The following MBD5 variants were observed in gnomAD, a reference collection of about 807,000 sequenced individuals.
MBD5 encodes the protein methyl-CpG-binding domain protein 5.
Under a neutral mutation model 117.3 loss-of-function variants are expected in MBD5, and 13 were observed. That is an observed-to-expected ratio of 0.11 (90% CI 0.07 to 0.18). MBD5 has a LOEUF of 0.18. MBD5 is among the 10% of genes least tolerant of loss of function. MBD5 has a pLI of 1.00. For missense variants in MBD5, 1,879 were observed against 2,093.8 expected, an observed-to-expected ratio of 0.90 and a Z score of 2.00; for synonymous variants, 727 against 766.4, an observed-to-expected ratio of 0.95 and a Z score of 0.85.
intron 3 of MBD5, among the ~76,000 whole-genome samples, chr2:148,287,128 C>G (rs1204870566): frequency 1.3e-5 from 2 of 152,110 alleles, no homozygotes; most frequent in African/African-American, 4.8e-5. Flanking sequence ...TCCTTTCAAA[C>G]ACCCATTGAA....
At chr2:148,103,883 T>G (rs1268153306) in intron 1 of MBD5, among the ~76,000 whole-genome samples, 1 of 152,208 alleles carries the variant, frequency 6.6e-6, no homozygotes, top group Non-Finnish European at 1.5e-5. Flanking sequence ...TATTCAGTAG[T>G]AAATTTAAAT....
intron 3 of MBD5, among the ~76,000 whole-genome samples, chr2:148,306,513 T>C (rs1404809425): frequency 6.6e-6 from 1 of 152,182 alleles, no homozygotes; most frequent in Non-Finnish European, 1.5e-5. Context: ...AATAATAGTA[T>C]CCATATTTTG....
intron 4 of MBD5, among the ~76,000 whole-genome samples, chr2:148,393,776 T>C (rs763092873): frequency 2.6e-5 from 4 of 152,144 alleles, no homozygotes; most frequent in Non-Finnish European, 4.4e-5. Flanking sequence ...CACAGCCTCC[T>C]TTCAGATGAA....
chr2:148,021,829 G>A (rs1365101976), intron 1 of MBD5, 145 bp downstream of exon 1: 6 of 191,202 alleles, frequency 3.1e-5, no homozygotes, highest in Non-Finnish European at 1.1e-5. Context: ...GGTTGGAGTA[G>A]GGAGGGGTGT....
intron 3 of MBD5, among the ~76,000 whole-genome samples, chr2:148,290,554 T>C (rs1701477492): frequency 6.6e-6 from 1 of 152,172 alleles, no homozygotes; most frequent in Non-Finnish European, 1.5e-5. Context: ...TGTTGACTTA[T>C]CAATACTAAG....
chr2:148,050,725 G>A (rs1224613511), intron 1 of MBD5, among the ~76,000 whole-genome samples: 1 of 152,106 alleles, frequency 6.6e-6, no homozygotes, highest in East Asian at 1.9e-4. Flanking sequence ...AGACATGTGG[G>A]TGTATTTCAG....
intron 4 of MBD5, among the ~76,000 whole-genome samples, chr2:148,357,969 C>T (rs1321538949): frequency 6.6e-6 from 1 of 152,110 alleles, no homozygotes; most frequent in Non-Finnish European, 1.5e-5. Context: ...ATCTACAGAT[C>T]AATGGGTCTT....
rs184813945 is a variant in MBD5 at position 148,162,807 on chromosome 2, A to G, written c.-924-15893A>G. 2.6e-5 allele frequency among the ~76,000 whole-genome samples: 4 copies of G among 152,342 alleles called. No individual in the cohort carries two copies. The East Asian group carries it at 7.7e-4, about 29-fold the overall frequency. On this transcript the variant is annotated intron_variant, in intron 1 of 13. Coordinates refer to ENST00000642680, the MANE Select transcript of MBD5 (RefSeq NM_001378120.1). ...AACTAAAATGAACCTTAATACCTCT[A>G]AAATGCTCAAATATTAATGTTTAGG...
At chr2:148,401,554 G>A (rs774407475) in intron 4 of MBD5, among the ~76,000 whole-genome samples, 1 of 152,052 alleles carries the variant, frequency 6.6e-6, no homozygotes, top group Admixed American at 6.6e-5. Context: ...TTCTTCATCT[G>A]TCTGAGCTTA....
At chr2:148,212,570 AT>A (rs146751859) in intron 2 of MBD5, among the ~76,000 whole-genome samples, 3,862 of 152,278 alleles carry the variant, frequency 0.025, 166 homozygotes, top group African/African-American at 0.089. Flanking sequence ...TTTGACGTGT[AT>A]TTTAGACATT....
At chr2:148,466,929 G>A (rs1707282612) in intron 7 of MBD5, among the ~76,000 whole-genome samples, 2 of 152,178 alleles carry the variant, frequency 1.3e-5, no homozygotes, top group Admixed American at 1.3e-4. Flanking sequence ...CCTGTATAGT[G>A]TCTAGCAGAT....
intron 1 of MBD5, among the ~76,000 whole-genome samples, chr2:148,060,891 G>T (rs1200235012): frequency 6.6e-6 from 1 of 152,010 alleles, no homozygotes; most frequent in Non-Finnish European, 1.5e-5. Context: ...AACCAAAGAG[G>T]CTCTATATGT....
chr2:148,248,039 T>A (rs945270884), intron 3 of MBD5, among the ~76,000 whole-genome samples: 1 of 152,124 alleles, frequency 6.6e-6, no homozygotes, highest in Non-Finnish European at 1.5e-5. Context: ...AGGTAAGCCT[T>A]AAGGATACTT....
intron 8 of MBD5, among the ~76,000 whole-genome samples, chr2:148,479,808 A>C (rs1204598834): frequency 6.6e-6 from 1 of 150,404 alleles, no homozygotes; most frequent in African/African-American, 2.4e-5. Context: ...ATATTATACC[A>C]CTTGACTAGT....
chr2:148,501,291 T>G (rs1199310653), intron 11 of MBD5, among the ~76,000 whole-genome samples: 1 of 152,244 alleles, frequency 6.6e-6, no homozygotes, highest in Non-Finnish European at 1.5e-5. Context: ...CAAAAGTTGA[T>G]AATCATTTCC....
intron 8 of MBD5, chr2:148,481,644 A>G (rs900689993): frequency 3.3e-5 from 5 of 152,192 alleles, no homozygotes; most frequent in Non-Finnish European, 7.3e-5. Context: ...CAAAAAAGTG[A>G]TTATAGGTTC....
At chr2:148,091,009 A>C (rs898849648) in intron 1 of MBD5, among the ~76,000 whole-genome samples, 1 of 152,192 alleles carries the variant, frequency 6.6e-6, no homozygotes, top group African/African-American at 2.4e-5. Flanking sequence ...ACAAGTCAGT[A>C]GCACTGCTAT....
At chr2:148,302,683 A>G (rs754879053) in intron 3 of MBD5, among the ~76,000 whole-genome samples, 36 of 151,918 alleles carry the variant, frequency 2.4e-4, no homozygotes, top group Non-Finnish European at 4.4e-4. Context: ...CACCCAAACT[A>G]GTGTGCAGTG....
At chr2:148,163,558 G>A (rs1188371153) in intron 1 of MBD5, among the ~76,000 whole-genome samples, 1 of 152,022 alleles carries the variant, frequency 6.6e-6, no homozygotes, top group African/African-American at 2.4e-5. Context: ...TGGGATTACA[G>A]GCATGTGACA....
Sources: gnomAD v4.1 joint callset for allele counts (sites outside exome capture counted in the v4.1 genomes callset) on GRCh38, gnomAD v4.1.1 for gene constraint, MANE v1.5 for transcripts, NCBI Gene and HGNC (gene_info 2026-07-23, HGNC 2026-07-21) for gene names.